PIK3R1: variants seen among roughly 807,000 people sequenced by gnomAD.
The protein encoded by PIK3R1 is phosphatidylinositol 3-kinase regulatory subunit alpha.
PIK3R1 carries 29 observed loss-of-function variants against 98.0 expected under a neutral mutation model. The observed-to-expected ratio is 0.30, with a 90% CI of 0.22 to 0.40. PIK3R1 has a LOEUF of 0.40. PIK3R1 is among the 10% of genes least tolerant of loss of function. The pLI, the probability that PIK3R1 is intolerant of heterozygous loss-of-function variation, is 1.00. For missense variants in PIK3R1, 596 were observed against 872.7 expected (o/e 0.68, Z 3.99); for synonymous variants, 282 against 311.8 (o/e 0.90, Z 1.01).
chr5:68,228,569 T>C (rs565978025), intron 2 of PIK3R1, among the ~76,000 whole-genome samples: 1 of 152,342 alleles, frequency 6.6e-6, no homozygotes, highest in Non-Finnish European at 1.5e-5. Flanking sequence ...AGATTGAAGA[T>C]ACATACGTAA....
At chr5:68,240,166 G>A (rs72757663) in intron 2 of PIK3R1, among the ~76,000 whole-genome samples, 9,935 of 151,280 alleles carry the variant, frequency 0.066, 538 homozygotes, top group East Asian at 0.14. Context: ...TATATGATAT[G>A]TAGTAAATGT....
intron 2 of PIK3R1, among the ~76,000 whole-genome samples, chr5:68,245,023 C>T (rs1043676247): frequency 2.6e-5 from 4 of 152,204 alleles, no homozygotes; most frequent in Non-Finnish European, 5.9e-5. Context: ...AGTCAGGCAT[C>T]CAAGTCACTC....
At chr5:68,294,382 A>G (rs937572102) in intron 11 of PIK3R1, among the ~76,000 whole-genome samples, 154 bp from the exon 12 acceptor site, 1 of 152,240 alleles carries the variant, frequency 6.6e-6, no homozygotes, top group African/African-American at 2.4e-5. Context: ...AATTCTCCAG[A>G]GGAAATACTT....
chr5:68,282,650 G>A (rs764550604), intron 7 of PIK3R1, among the ~76,000 whole-genome samples: 1 of 152,114 alleles, frequency 6.6e-6, no homozygotes, highest in African/African-American at 2.4e-5. Context: ...AGTAAAAACG[G>A]GTATCTGCAC....
chr5:68,237,987 G>T (rs2112009944), intron 2 of PIK3R1, among the ~76,000 whole-genome samples: 1 of 152,272 alleles, frequency 6.6e-6, no homozygotes, highest in South Asian at 2.1e-4. Flanking sequence ...AAAATAACCA[G>T]AGAGAGCTGG....
chr5:68,230,437 T>C (rs1376561475), intron 2 of PIK3R1, among the ~76,000 whole-genome samples: 1 of 152,252 alleles, frequency 6.6e-6, no homozygotes, highest in East Asian at 1.9e-4. Flanking sequence ...TTTCACTTTC[T>C]GCATTGCTTT....
chr5:68,239,009 A>G (rs1744776556), intron 2 of PIK3R1, among the ~76,000 whole-genome samples: 4 of 151,540 alleles, frequency 2.6e-5, no homozygotes. Flanking sequence ...TGATTTTAGT[A>G]GAGTTTTGAG....
At chr5:68,228,685 G>A (rs772614866) in intron 2 of PIK3R1, among the ~76,000 whole-genome samples, 10 of 148,588 alleles carry the variant, frequency 6.7e-5, no homozygotes, top group Non-Finnish European at 1.0e-4. Flanking sequence ...TAATTTTTCC[G>A]AGAATACAGA....
rs1748064666 is a variant in PIK3R1 at position 68,301,404 on chromosome 5, A to ATATATATATATATATATATGTGTG, written c.*3822_*3823insGTGTGTATATATATATATATATAT. On this transcript the variant is annotated 3_prime_UTR_variant, in exon 16 of 16. Coordinates refer to ENST00000521381, the MANE Select transcript of PIK3R1 (RefSeq NM_181523.3). The stretch of plus-strand genomic sequence containing the variant: ...TGTGTGTGTGTGTGTATATATATAT[A>ATATATATATATATATATATGTGTG]TATATATATATATATATATATATAT... 1.2e-5 allele frequency: 1 copy of ATATATATATATATATATATGTGTG among 85,416 alleles called. No individual in the cohort carries two copies. The highest frequency in any genetic ancestry group is 2.2e-5 in the Non-Finnish European group (1 of 45,638). 5.3% of individuals were successfully genotyped at this position (85,416 alleles called of 1,614,324 possible). A position where few individuals can be genotyped will look rare whatever the true frequency, so the allele number is the denominator to read the frequency against.
intron 2 of PIK3R1, among the ~76,000 whole-genome samples, chr5:68,271,734 T>G (rs758669826): frequency 2.6e-5 from 4 of 152,248 alleles, no homozygotes; most frequent in Non-Finnish European, 5.9e-5. Flanking sequence ...TCCCTCATAA[T>G]ATAGCTCTTC....
intron 1 of PIK3R1, among the ~76,000 whole-genome samples, chr5:68,223,222 T>C (rs1744157946): frequency 6.6e-6 from 1 of 152,034 alleles, no homozygotes; most frequent in Non-Finnish European, 1.5e-5. Flanking sequence ...TCCTCAAGAA[T>C]GACAGACGTC....
intron 2 of PIK3R1, among the ~76,000 whole-genome samples, chr5:68,262,619 GTAGATGCATGTATACA>G: frequency 7.0e-6 from 1 of 143,136 alleles, no homozygotes; most frequent in African/African-American, 2.6e-5. Flanking sequence ...GTATACACAT[GTAGATGCATGTATACA>G]CATGTATACA....
chr5:68,228,658 C>A (rs1001857511), intron 2 of PIK3R1, among the ~76,000 whole-genome samples: 1 of 151,812 alleles, frequency 6.6e-6, no homozygotes, highest in East Asian at 1.9e-4. Context: ...TAGCCTAATT[C>A]CAAAGGAAAA....
chr5:68,290,383 A>AG (rs1386987680), intron 7 of PIK3R1, among the ~76,000 whole-genome samples: 1 of 152,250 alleles, frequency 6.6e-6, no homozygotes, highest in East Asian at 1.9e-4. Flanking sequence ...TGCCAACAGC[A>AG]GAGCGTACCA....
Position 68,226,472 on chromosome 5 carries a change from G to T in PIK3R1, c.-204G>T. The T allele has an allele frequency of 1.9e-6, 1 of 528,638 alleles. No individual in the cohort carries two copies. Among genetic ancestry groups the T allele is most frequent in the Non-Finnish European group, 3.3e-6 (1 of 299,466 alleles). The allele number at this position is 528,638 out of a possible 1,614,324, so 32.7% of individuals were successfully genotyped here. On this transcript the variant is annotated 5_prime_UTR_variant, in exon 2 of 16. Coordinates refer to ENST00000521381, the MANE Select transcript of PIK3R1 (RefSeq NM_181523.3). The stretch of plus-strand genomic sequence containing the variant: ...CAGAGGAAGTGGAGCCCTGTCTTCG[G>T]TCACACCATTGATGGAGGACAGATG...
intron 5 of PIK3R1, 60 bp from the exon 6 acceptor site, chr5:68,280,468 A>C (rs951237711): frequency 1.7e-6 from 2 of 1,192,332 alleles, no homozygotes. Flanking sequence ...GTGTTTATTC[A>C]CTGATACCTG....
intron 2 of PIK3R1, among the ~76,000 whole-genome samples, chr5:68,235,009 G>A (rs1744612345): frequency 6.6e-6 from 1 of 152,126 alleles, no homozygotes; most frequent in Non-Finnish European, 1.5e-5. Flanking sequence ...ACTCAAGGGT[G>A]TAATAAGATT....
chr5:68,259,304 G>A (rs1487409123), intron 2 of PIK3R1, among the ~76,000 whole-genome samples: 3 of 152,148 alleles, frequency 2.0e-5, no homozygotes, highest in Non-Finnish European at 4.4e-5. Flanking sequence ...CTTGTGATGT[G>A]GCTACTAGAA....
chr5:68,226,085 C>A (rs764919008), intron 1 of PIK3R1, among the ~76,000 whole-genome samples: 1 of 151,926 alleles, frequency 6.6e-6, no homozygotes, highest in Non-Finnish European at 1.5e-5. Flanking sequence ...TGCCTCATGC[C>A]GACACTCCTC....
Sources: allele counts gnomAD v4.1 joint callset (sites outside exome capture counted in the v4.1 genomes callset), GRCh38; gene constraint gnomAD v4.1.1; transcripts MANE v1.5; gene names NCBI Gene and HGNC (gene_info 2026-07-23, HGNC 2026-07-21).